Variants in LRRC4C observed in about 807,000 individuals in gnomAD.
LRRC4C encodes the protein leucine rich repeat containing 4C, also known as leucine-rich repeat-containing protein 4C.
Under a neutral mutation model 33.6 loss-of-function variants are expected in LRRC4C, and 5 were observed. The ratio of observed to expected loss-of-function variants is 0.15; its 90% CI spans 0.08 to 0.31. The LOEUF (loss-of-function observed/expected upper bound fraction) is 0.31, where lower values mean the gene tolerates loss of function less well. Ranked by LOEUF, LRRC4C falls within the 10% of genes least tolerant of loss-of-function variation. The pLI, the probability that LRRC4C is intolerant of heterozygous loss-of-function variation, is 1.00. For synonymous variants in LRRC4C, 329 were observed against 302.0 expected (o/e 1.09, Z -0.93); for missense variants, 560 against 796.7 (o/e 0.70, Z 3.58).
At chr11:41,127,080 C>T (rs534828871) in intron 1 of LRRC4C, among the ~76,000 whole-genome samples, 1 of 152,028 alleles carries the variant, frequency 6.6e-6, no homozygotes, top group African/African-American at 2.4e-5. Flanking sequence ...TGAGTAAATA[C>T]AAAATTTCAA....
At chr11:40,513,642 T>C (rs1955436314) in intron 3 of LRRC4C, among the ~76,000 whole-genome samples, 1 of 152,152 alleles carries the variant, frequency 6.6e-6, no homozygotes, top group Non-Finnish European at 1.5e-5. Context: ...TCTGATGCAG[T>C]GTGGAGAGTG....
At chr11:41,095,573 C>T (rs555332231) in intron 1 of LRRC4C, among the ~76,000 whole-genome samples, 1 of 152,282 alleles carries the variant, frequency 6.6e-6, no homozygotes, top group South Asian at 2.1e-4. Context: ...TCATTTGGAC[C>T]TGCCTTTTTC....
chr11:40,811,339 A>T (rs1386752800), intron 2 of LRRC4C, among the ~76,000 whole-genome samples: 1 of 152,152 alleles, frequency 6.6e-6, no homozygotes, highest in African/African-American at 2.4e-5. Context: ...CCTCAAGCTT[A>T]TTATATTTAA....
chr11:40,459,972 T>C (rs1440117), intron 3 of LRRC4C, among the ~76,000 whole-genome samples: 152,063 of 152,318 alleles, frequency 1, 75,906 homozygotes, highest in Non-Finnish European at 1. Flanking sequence ...TTCACTATCT[T>C]TGGCTGACAA....
chr11:40,462,030 C>T (rs75363978), intron 3 of LRRC4C, among the ~76,000 whole-genome samples: 2,220 of 151,904 alleles, frequency 0.015, 46 homozygotes, highest in African/African-American at 0.05. Flanking sequence ...TTCTACATGT[C>T]TATAATATCT....
At chr11:41,318,711 C>T (rs530113788) in intron 1 of LRRC4C, among the ~76,000 whole-genome samples, 1 of 152,246 alleles carries the variant, frequency 6.6e-6, no homozygotes, top group South Asian at 2.1e-4. Context: ...CTAGATATTT[C>T]CCACTATGTG....
chr11:40,399,141 T>C (rs973676862), intron 3 of LRRC4C, among the ~76,000 whole-genome samples: 9 of 152,094 alleles, frequency 5.9e-5, no homozygotes, highest in Non-Finnish European at 1.3e-4. Context: ...GAACCAATAG[T>C]GTCCATAGAA....
intron 3 of LRRC4C, among the ~76,000 whole-genome samples, chr11:40,355,967 TAGTATAGTAC>T (rs57367158): frequency 0.33 from 33,557 of 102,004 alleles, 3,980 homozygotes; most frequent in Admixed American, 0.39. Flanking sequence ...TAGTATAGTA[TAGTATAGTAC>T]AGTATAGTAT....
At chr11:40,890,475 A>G (rs1389584966) in intron 2 of LRRC4C, among the ~76,000 whole-genome samples, 1 of 152,172 alleles carries the variant, frequency 6.6e-6, no homozygotes, top group African/African-American at 2.4e-5. Flanking sequence ...CTACCTTGTA[A>G]ATTTCCTACC....
intron 1 of LRRC4C, among the ~76,000 whole-genome samples, chr11:41,258,641 A>C (rs1948879114): frequency 6.6e-6 from 1 of 152,010 alleles, no homozygotes; most frequent in Non-Finnish European, 1.5e-5. Context: ...TATATCTTAT[A>C]GAAGGAAGGA....
chr11:40,409,216 T>C (rs1950068846), intron 3 of LRRC4C, among the ~76,000 whole-genome samples: 1 of 151,912 alleles, frequency 6.6e-6, no homozygotes, highest in African/African-American at 2.4e-5. Flanking sequence ...TGAAGCTAGA[T>C]CTTCAGTTCA....
intron 5 of LRRC4C, among the ~76,000 whole-genome samples, chr11:40,145,574 A>G (rs1857670463): frequency 6.6e-6 from 1 of 152,200 alleles, no homozygotes. Flanking sequence ...GATTACCTAT[A>G]CCAGGATCTA....
At chr11:41,290,225 A>G (rs951585448) in intron 1 of LRRC4C, among the ~76,000 whole-genome samples, 7 of 152,200 alleles carry the variant, frequency 4.6e-5, no homozygotes, top group African/African-American at 7.2e-5. Context: ...TATGGTCTCA[A>G]AGGAGTTTGC....
chr11:41,032,487 A>G (rs1010349954), intron 1 of LRRC4C, among the ~76,000 whole-genome samples: 3 of 151,968 alleles, frequency 2.0e-5, no homozygotes, highest in Admixed American at 6.6e-5. Flanking sequence ...TTGTTTTAAC[A>G]TTTCTACTGT....
intron 4 of LRRC4C, among the ~76,000 whole-genome samples, chr11:40,249,610 G>A (rs1458075564): frequency 2.0e-5 from 3 of 150,602 alleles, no homozygotes; most frequent in Middle Eastern, 3.5e-3. Context: ...TTGTATATAT[G>A]TATGCGTATA....
rs143917893 is a variant in LRRC4C at position 40,427,225 on chromosome 11, C to A, written c.-269-107504G>T. ...CCTTTAAAAAAATTAAGTTGAGGACCGGGCATGGTGGCTCACGCCTGTAAT... is the reference window on the plus strand; with the variant it reads ...CCTTTAAAAAAATTAAGTTGAGGACAGGGCATGGTGGCTCACGCCTGTAAT... On this transcript the variant is annotated intron_variant, in intron 3 of 6. Transcript: ENST00000528697. 1.1e-3 allele frequency among the ~76,000 whole-genome samples: 164 copies of A among 152,206 alleles called. 2 individuals are homozygous for A. In the Middle Eastern group the frequency reaches 0.017, roughly 16 times the overall value.
At chr11:41,207,319 C>T (rs1946641421) in intron 1 of LRRC4C, among the ~76,000 whole-genome samples, 1 of 151,756 alleles carries the variant, frequency 6.6e-6, no homozygotes, top group African/African-American at 2.4e-5. Context: ...TCTCCCTCTC[C>T]CCTTAGTCAT....
chr11:40,373,397 G>A (rs545503942), intron 3 of LRRC4C, among the ~76,000 whole-genome samples: 1 of 151,958 alleles, frequency 6.6e-6, no homozygotes, highest in Non-Finnish European at 1.5e-5. Context: ...TGAAATGAGA[G>A]AAGACATTTG....
intron 4 of LRRC4C, among the ~76,000 whole-genome samples, chr11:40,269,765 C>T (rs897215727): frequency 7.0e-6 from 1 of 143,434 alleles, no homozygotes; most frequent in African/African-American, 2.6e-5. Flanking sequence ...ATCCCTATCC[C>T]TTTCCAAGAG....
Sources: gnomAD v4.1 joint callset for allele counts (sites outside exome capture counted in the v4.1 genomes callset) on GRCh38, gnomAD v4.1.1 for gene constraint, MANE v1.5 for transcripts, NCBI Gene and HGNC (gene_info 2026-07-23, HGNC 2026-07-21) for gene names.